The following AGBL1 variants were observed in gnomAD, a reference collection of about 807,000 sequenced individuals.
AGBL1 encodes the protein cytosolic carboxypeptidase 4.
A neutral mutation model predicts 118.9 loss-of-function variants in AGBL1; 130 were observed. The observed-to-expected ratio is 1.09, with a 90% CI of 0.95 to 1.26. The LOEUF is 1.26. Ranked by LOEUF, AGBL1 falls within the 50% of genes most tolerant of loss-of-function variation. The pLI, the probability that AGBL1 is intolerant of heterozygous loss-of-function variation, is 0.00. For synonymous variants in AGBL1, 555 were observed against 478.9 expected (o/e 1.16, Z -2.08); for missense variants, 1,584 against 1,298.1 (o/e 1.22, Z -3.38).
intron 22 of AGBL1, among the ~76,000 whole-genome samples, chr15:86,797,805 G>A (rs930230011): frequency 1.3e-5 from 2 of 152,200 alleles, no homozygotes; most frequent in African/African-American, 4.8e-5. Flanking sequence ...AACCTGCAAA[G>A]GGAAGGAAGC....
chr15:86,210,424 T>A (rs1041519609), intron 5 of AGBL1, among the ~76,000 whole-genome samples: 1 of 152,210 alleles, frequency 6.6e-6, no homozygotes, highest in African/African-American at 2.4e-5. Flanking sequence ...CAACTTGGTT[T>A]CATTCTCCCT....
intron 17 of AGBL1, among the ~76,000 whole-genome samples, chr15:86,302,488 T>A: frequency 6.6e-6 from 1 of 151,912 alleles, no homozygotes; most frequent in East Asian, 1.9e-4. Flanking sequence ...TTTGAAAATC[T>A]CAGGGTGGAC....
At chr15:86,771,425 T>TG (rs147985255) in intron 22 of AGBL1, among the ~76,000 whole-genome samples, 3,519 of 152,122 alleles carry the variant, frequency 0.023, 82 homozygotes, top group South Asian at 0.13. Context: ...ATGCGCTTAA[T>TG]GGTATGTGCT....
intron 19 of AGBL1, among the ~76,000 whole-genome samples, chr15:86,526,070 T>G (rs916611968): frequency 1.3e-5 from 2 of 152,160 alleles, no homozygotes; most frequent in African/African-American, 4.8e-5. Flanking sequence ...TGAACAGATA[T>G]TTCTCAAAAG....
At position 86,130,724 on chromosome 15, in the gene AGBL1, T is replaced by A. The variant is rs138602316; in HGVS notation, c.52-11280T>A. On this transcript the variant is annotated intron_variant, in intron 1 of 22. Transcript: ENST00000614907. ...TTAGAAACAAGATTTTCAATGCTTT[T>A]TATTGATCTCCTATTGAGATTGGTT... Among the ~76,000 whole-genome samples, 51 of 152,350 alleles carry A rather than the reference T, an allele frequency of 3.3e-4. No homozygotes were observed. In the East Asian group the frequency reaches 9.6e-3, roughly 29 times the overall value.
rs368280281 is a variant in AGBL1, at chr15:86,988,412, T to C, written c.3323+324T>C. 1.3e-3 allele frequency: 247 copies of C among 188,628 alleles called. 1 individual carries two copies. Among genetic ancestry groups the C allele is most frequent in the African/African-American group, 5.3e-3 (229 of 42,994 alleles). 11.7% of individuals were successfully genotyped at this position (188,628 alleles called of 1,614,324 possible). A position where few individuals can be genotyped will look rare whatever the true frequency, so the allele number is the denominator to read the frequency against. On this transcript the variant is annotated intron_variant, in intron 24 of 24. Transcript: ENST00000441037. Reference sequence around the variant, plus strand: ...TTAGTAAATATACACCAAGGTTTCATTGGTAAATGTCTTGCTTGCTGTTGA... The same window carrying C: ...TTAGTAAATATACACCAAGGTTTCACTGGTAAATGTCTTGCTTGCTGTTGA...
intron 5 of AGBL1, among the ~76,000 whole-genome samples, chr15:86,206,574 G>A (rs2077995923): frequency 2.0e-5 from 3 of 152,168 alleles, no homozygotes; most frequent in Admixed American, 2.0e-4. Context: ...GTGATGATGA[G>A]CATTTTTTCA....
chr15:86,210,273 G>A (rs573870258), intron 5 of AGBL1, among the ~76,000 whole-genome samples: 5 of 152,184 alleles, frequency 3.3e-5, no homozygotes, highest in African/African-American at 4.8e-5. Flanking sequence ...TAACCTTGGC[G>A]AACCTGACAA....
chr15:86,737,309 C>G (rs1027092004), intron 22 of AGBL1, among the ~76,000 whole-genome samples: 1 of 152,130 alleles, frequency 6.6e-6, no homozygotes, highest in Admixed American at 6.6e-5. Flanking sequence ...AGGAGAGAAA[C>G]AGCTGATGCA....
chr15:86,581,153 G>A (rs988277160), intron 21 of AGBL1, among the ~76,000 whole-genome samples: 1 of 152,266 alleles, frequency 6.6e-6, no homozygotes, highest in Admixed American at 6.5e-5. Context: ...TAAAGCCTGG[G>A]TGGTCTTGAC....
intron 15 of AGBL1, among the ~76,000 whole-genome samples, chr15:86,275,448 C>G (rs997160340): frequency 3.3e-5 from 5 of 152,130 alleles, no homozygotes; most frequent in Admixed American, 2.6e-4. Context: ...AATGATACAC[C>G]CTTGTTAAAC....
At chr15:86,462,101 A>G (rs2082341472) in intron 18 of AGBL1, among the ~76,000 whole-genome samples, 3 of 152,226 alleles carry the variant, frequency 2.0e-5, no homozygotes, top group Admixed American at 2.0e-4. Flanking sequence ...ATCAATTTCA[A>G]AAGGCAGAAT....
At chr15:86,532,997 C>G (rs1039191052) in intron 19 of AGBL1, among the ~76,000 whole-genome samples, 1 of 103,250 alleles carries the variant, frequency 9.7e-6, no homozygotes, top group Non-Finnish European at 1.9e-5. Flanking sequence ...AGACCTAAAA[C>G]CATAAAAACC....
chr15:86,566,064 G>C lies in AGBL1; in HGVS notation c.2994+11527G>C, dbSNP rs534048853. Among the ~76,000 whole-genome samples, 136 of 152,162 alleles carry C rather than the reference G, an allele frequency of 8.9e-4. 1 individual carries two copies. Among genetic ancestry groups the C allele is most frequent in the Non-Finnish European group, 1.5e-3 (100 of 68,018 alleles). On this transcript the variant is annotated intron_variant, in intron 21 of 22. Transcript: ENST00000614907. The stretch of plus-strand genomic sequence containing the variant: ...TTGCCTAGGAAAGGAAATTCCCTGA[G>C]CCCTTGCACTTCCCAGGTGAGGTGA...
At chr15:86,326,120 C>A (rs1002770182) in intron 17 of AGBL1, among the ~76,000 whole-genome samples, 7 of 152,210 alleles carry the variant, frequency 4.6e-5, no homozygotes, top group African/African-American at 1.7e-4. Context: ...TTCATTCTCT[C>A]CATCAACAAG....
At chr15:86,168,954 T>C (rs2077378280) in intron 5 of AGBL1, among the ~76,000 whole-genome samples, 2 of 152,240 alleles carry the variant, frequency 1.3e-5, no homozygotes, top group Admixed American at 6.5e-5. Context: ...AAGATATTAG[T>C]GTTCTCACCT....
In AGBL1 at chr15:86,295,925, C is replaced by T. The variant is rs182093817; in HGVS notation, c.2374+517C>T. On this transcript the variant is annotated intron_variant, in intron 17 of 22. Transcript: ENST00000614907. ...TCAAAGCCAAACTCATGCACACACACGCAGACACACACAAATATACGCATA... is the reference window on the plus strand; with the variant it reads ...TCAAAGCCAAACTCATGCACACACATGCAGACACACACAAATATACGCATA... The T allele has an allele frequency of 2.8e-4, 44 of 155,448 alleles. No homozygotes were observed. The East Asian group carries it at 2.9e-3, about 10-fold the overall frequency. 9.6% of individuals were successfully genotyped at this position (155,448 alleles called of 1,614,324 possible).
chr15:86,319,597 G>T (rs922403045), intron 17 of AGBL1, among the ~76,000 whole-genome samples: 5 of 151,870 alleles, frequency 3.3e-5, no homozygotes, highest in Non-Finnish European at 5.9e-5. Flanking sequence ...ATAGACGTGG[G>T]TCTGTTTCTG....
chr15:86,878,327 A>G (rs1436064260), intron 22 of AGBL1, among the ~76,000 whole-genome samples: 1 of 152,200 alleles, frequency 6.6e-6, no homozygotes, highest in African/African-American at 2.4e-5. Flanking sequence ...AAAGGCAGCC[A>G]CAGACAATAC....
Sources: gnomAD v4.1 joint callset for allele counts (sites outside exome capture counted in the v4.1 genomes callset) on GRCh38, gnomAD v4.1.1 for gene constraint, MANE v1.5 for transcripts, NCBI Gene and HGNC (gene_info 2026-07-23, HGNC 2026-07-21) for gene names.